Variants in NBPF15 observed in about 807,000 individuals in gnomAD.
The protein encoded by NBPF15 is NBPF family member NBPF15.
A neutral mutation model predicts 62.2 loss-of-function variants in NBPF15; 74 were observed. The ratio of observed to expected loss-of-function variants is 1.19; its 90% CI spans 0.99 to 1.44. The LOEUF is 1.44. Among genes scored for constraint, NBPF15 ranks in the 40% most tolerant of loss-of-function variants. NBPF15 has a pLI of 0.00. For synonymous variants in NBPF15, 244 were observed against 209.7 expected (o/e 1.16, Z -1.41); for missense variants, 790 against 550.0 (o/e 1.44, Z -4.36).
intron 20 of NBPF15, among the ~76,000 whole-genome samples, chr1:144,424,229 A>G (rs1667926258): frequency 6.6e-6 from 1 of 151,914 alleles, no homozygotes. Context: ...GTTTGTGCAA[A>G]CAGTTATGCC....
rs587598124 is a variant in NBPF15 at position 144,429,143 on chromosome 1, C to G, written c.989-486G>C. ...ATTATGGCTTTTGTGGGTGAAAAGT[C>G]AGCCGTTTATCTAGAAAACGTACCA... On this transcript the variant is annotated intron_variant, in intron 14 of 21. Transcript: ENST00000581897. 1.3e-4 allele frequency among the ~76,000 whole-genome samples: 19 copies of G among 151,784 alleles called. 1 individual carries two copies. The highest frequency in any genetic ancestry group is 4.6e-4 in the African/African-American group (19 of 41,206).
intron 6 of NBPF15, among the ~76,000 whole-genome samples, chr1:144,442,166 A>ATATATATATAATATATATACACGTG (rs1683617093): frequency 3.7e-5 from 3 of 80,504 alleles, no homozygotes; most frequent in Admixed American, 1.2e-4. Flanking sequence ...ACACGTGTAT[A>ATATATATATAATATATATACACGTG]TATATATATA....
chr1:144,422,728 A>T lies in NBPF15; in HGVS notation c.*285T>A. 1 of 620,138 alleles carries T rather than the reference A, an allele frequency of 1.6e-6. No homozygotes were observed. The highest frequency in any genetic ancestry group is 2.7e-6 in the Non-Finnish European group (1 of 368,420). 38.4% of individuals were successfully genotyped at this position (620,138 alleles called of 1,614,324 possible). On this transcript the variant is annotated 3_prime_UTR_variant, in exon 22 of 22. Coordinates refer to ENST00000581897, the MANE Select transcript of NBPF15 (RefSeq NM_001385408.1). ...TGCCTGCAAAATGAAATCCCTGAGG[A>T]ATTTTGTAGCTACCCAGAGATACGT...
rs1262114922 is a variant in NBPF15 at position 144,435,265 on chromosome 1, T to C, written c.618A>G (p.Glu206=). ...GGCTATTTGAACAAGTGATGGCACA[T>C]TCCTCCAGTGAGTCCTCAGGGACTT... ...EKEVPEDSLE[E]CAITCSNSHG... The change falls in exon 12 of 22, where the codon GAA becomes GAG. Residue 206 remains glutamate (E), a synonymous_variant. Coordinates refer to ENST00000581897, the MANE Select transcript of NBPF15 (RefSeq NM_001385408.1). 6 of 1,612,400 alleles carry C rather than the reference T, an allele frequency of 3.7e-6. No homozygotes were observed. Among genetic ancestry groups the C allele is most frequent in the Admixed American group, 1.7e-5 (1 of 59,944 alleles).
At position 144,422,654 on chromosome 1, in the gene NBPF15, A is replaced by C; in HGVS notation, c.*359T>G. 1 of 403,182 alleles carries C rather than the reference A, an allele frequency of 2.5e-6. No homozygotes were observed. Among genetic ancestry groups the C allele is most frequent in the South Asian group, 2.4e-5 (1 of 41,132 alleles). 25.0% of individuals were successfully genotyped at this position (403,182 alleles called of 1,614,324 possible). ...CCAGGGTAACACCTTTGGATGAGCT[A>C]AACACAAAGATGACAATGACCTTGA... On this transcript the variant is annotated 3_prime_UTR_variant, in exon 22 of 22. Coordinates refer to ENST00000581897, the MANE Select transcript of NBPF15 (RefSeq NM_001385408.1).
intron 2 of NBPF15, among the ~76,000 whole-genome samples, chr1:144,459,761 A>G (rs1208263904): frequency 6.6e-6 from 1 of 151,858 alleles, no homozygotes; most frequent in African/African-American, 2.4e-5. Context: ...GCAAAATGAA[A>G]TCACACTGAT....
At chr1:144,447,137 C>T (rs1402137811) in intron 6 of NBPF15, among the ~76,000 whole-genome samples, 1 of 152,300 alleles carries the variant, frequency 6.6e-6, no homozygotes, top group Non-Finnish European at 1.5e-5. Flanking sequence ...CTTCCAGAAC[C>T]CTGTTGTTCT....
chr1:144,446,075 C>A (rs1553543966), intron 6 of NBPF15, among the ~76,000 whole-genome samples: 2 of 150,734 alleles, frequency 1.3e-5, no homozygotes, highest in African/African-American at 4.9e-5. Context: ...TGATGGTCTC[C>A]ATCTCCTGAC....
chr1:144,456,138 C>G (rs1262424077), intron 4 of NBPF15, among the ~76,000 whole-genome samples: 2 of 149,364 alleles, frequency 1.3e-5, no homozygotes, highest in Non-Finnish European at 3.0e-5. Flanking sequence ...TGCGGGTGGA[C>G]AGGGAGGGGG....
Position 144,429,235 on chromosome 1 carries a change from A to C in NBPF15, c.988+465T>G, listed in dbSNP as rs587746340. On this transcript the variant is annotated intron_variant, in intron 14 of 21. Transcript: ENST00000581897. ...AGACACAGAAAATGGGAATAAATTC[A>C]GTGAAACCTGGGTCACATCTTTCAC... Among the ~76,000 whole-genome samples, 39 of 149,898 alleles carry C rather than the reference A, an allele frequency of 2.6e-4. 1 individual carries two copies. Among genetic ancestry groups the C allele is most frequent in the African/African-American group, 9.1e-4 (36 of 39,348 alleles).
chr1:144,438,911 C>T (rs1377473276), intron 8 of NBPF15, among the ~76,000 whole-genome samples: 1 of 152,022 alleles, frequency 6.6e-6, no homozygotes, highest in East Asian at 1.9e-4. Flanking sequence ...AGCAACAAGA[C>T]TCTGTGCCCC....
intron 13 of NBPF15, among the ~76,000 whole-genome samples, chr1:144,431,048 C>G (rs1242908986): frequency 6.6e-6 from 1 of 151,670 alleles, no homozygotes; most frequent in African/African-American, 2.4e-5. Context: ...AAGAAATGAA[C>G]AAGCCTCCAA....
At chr1:144,427,133 G>C in intron 16 of NBPF15, 35 bp from the exon 17 acceptor site, 1 of 560,764 alleles carries the variant, frequency 1.8e-6, no homozygotes, top group Non-Finnish European at 3.1e-6. Flanking sequence ...GACATATTAA[G>C]CTGGTTCTCC....
Position 144,422,752 on chromosome 1 carries a change from G to C in NBPF15, c.*261C>G. 2.6e-6 allele frequency: 2 copies of C among 763,766 alleles called. No individual in the cohort carries two copies. Among genetic ancestry groups the C allele is most frequent in the East Asian group, 5.5e-5 (2 of 36,192 alleles). The allele number at this position is 763,766 out of a possible 1,614,324, so 47.3% of individuals were successfully genotyped here. A position where few individuals can be genotyped will look rare whatever the true frequency, so the allele number is the denominator to read the frequency against. ...GAATTTTGTAGCTACCCAGAGATAC[G>C]TGGTTCAAATTAAAATGTCTGACTG... On this transcript the variant is annotated 3_prime_UTR_variant, in exon 22 of 22. Transcript: ENST00000581897.
At chr1:144,442,476 G>A (rs1684231414) in intron 6 of NBPF15, 2 of 148,886 alleles carry the variant, frequency 1.3e-5, no homozygotes, top group Admixed American at 6.8e-5. Context: ...TGCACAGCTA[G>A]CAGAGTCGTG....
chr1:144,449,527 C>A (rs1689775587), intron 5 of NBPF15, among the ~76,000 whole-genome samples: 1 of 151,542 alleles, frequency 6.6e-6, no homozygotes, highest in Non-Finnish European at 1.5e-5. Flanking sequence ...ACACACAAAA[C>A]AACATGGATG....
intron 4 of NBPF15, among the ~76,000 whole-genome samples, chr1:144,456,244 G>A (rs1647657998): frequency 6.6e-6 from 1 of 151,518 alleles, no homozygotes; most frequent in Non-Finnish European, 1.5e-5. Flanking sequence ...GGGGTAAGAG[G>A]GGAAGAGCAA....
intron 6 of NBPF15, among the ~76,000 whole-genome samples, chr1:144,446,142 G>A (rs1687378430): frequency 1.3e-5 from 2 of 151,614 alleles, no homozygotes; most frequent in South Asian, 2.1e-4. Flanking sequence ...TGTGAGCCAC[G>A]GTGCCCAGTC....
At chr1:144,442,601 C>G (rs1312589723) in intron 6 of NBPF15, 1 of 153,062 alleles carries the variant, frequency 6.5e-6, no homozygotes, top group Non-Finnish European at 1.5e-5. Flanking sequence ...CAGGTGGACA[C>G]CTCCATCTAC....
Sources: gnomAD v4.1 joint callset for allele counts (sites outside exome capture counted in the v4.1 genomes callset) on GRCh38, gnomAD v4.1.1 for gene constraint, MANE v1.5 for transcripts, NCBI Gene and HGNC (gene_info 2026-07-23, HGNC 2026-07-21) for gene names.